Variants in TRAF3 observed in about 807,000 individuals in gnomAD.
TRAF3 encodes TNF receptor-associated factor 3.
Under a neutral mutation model 62.3 loss-of-function variants are expected in TRAF3, and 13 were observed. The ratio of observed to expected loss-of-function variants is 0.21; its 90% confidence interval spans 0.14 to 0.33. The LOEUF (loss-of-function observed/expected upper bound fraction) is 0.33. TRAF3 is among the 10% of genes least tolerant of loss of function. The probability of loss-of-function intolerance (pLI) is 1.00; values close to 1 mark genes in which losing one functional copy is unlikely to be tolerated. For missense variants in TRAF3, 440 were observed against 741.8 expected (o/e 0.59, Z 4.73); for synonymous variants, 269 against 283.4 (o/e 0.95, Z 0.51).
Position 102,777,691 on chromosome 14 carries a change from G to C in TRAF3, c.-157+16G>C, listed in dbSNP as rs1473502081. 1 of 144,950 alleles carries C rather than the reference G, an allele frequency of 6.9e-6. No homozygotes were observed. Among genetic ancestry groups the C allele is most frequent in the Non-Finnish European group, 1.5e-5 (1 of 65,288 alleles). The allele number at this position is 144,950 out of a possible 1,614,324, so 9.0% of individuals were successfully genotyped here. ...GGACCGCGAGGTAAGGGGCCGCGGCGGGCGGGCGGGCCTCCGGCGCGCGGC... is the reference window on the plus strand; with the variant it reads ...GGACCGCGAGGTAAGGGGCCGCGGCCGGCGGGCGGGCCTCCGGCGCGCGGC... On this transcript the variant is annotated intron_variant, in intron 1 of 11. Transcript: ENST00000392745.
intron 2 of TRAF3, among the ~76,000 whole-genome samples, chr14:102,835,378 C>G (rs1269049510): frequency 1.3e-5 from 2 of 152,026 alleles, no homozygotes; most frequent in Non-Finnish European, 2.9e-5. Flanking sequence ...ACCATTTGAC[C>G]CAGCAATCCC....
intron 1 of TRAF3, among the ~76,000 whole-genome samples, chr14:102,780,188 A>C (rs1173401054): frequency 6.6e-6 from 1 of 152,224 alleles, no homozygotes; most frequent in African/African-American, 2.4e-5. Context: ...AGCAGGAGTG[A>C]TGAAGCCAGA....
In TRAF3 at chr14:102,835,367, T is replaced by A. The variant is rs533989084; in HGVS notation, c.-18+4895T>A. On this transcript the variant is annotated intron_variant, in intron 2 of 11. Coordinates refer to ENST00000392745, the MANE Select transcript of TRAF3 (RefSeq NM_145725.3). Reference sequence around the variant, plus strand: ...GTGATTCCTCAGCTAAAAATAGAACTACCATTTGACCCAGCAATCCCATTA... The same window carrying A: ...GTGATTCCTCAGCTAAAAATAGAACAACCATTTGACCCAGCAATCCCATTA... 3.9e-5 allele frequency among the ~76,000 whole-genome samples: 6 copies of A among 152,104 alleles called. No homozygotes were observed. In the South Asian group the frequency reaches 1.2e-3, roughly 32 times the overall value.
chr14:102,886,340 C>A, intron 7 of TRAF3, 71 bp downstream of exon 7: 1 of 1,345,026 alleles, frequency 7.4e-7, no homozygotes, highest in Non-Finnish European at 1.0e-6. Context: ...CCCTTCCCTG[C>A]ATAGCCGAAG....
chr14:102,862,482 G>T (rs1887739875), intron 2 of TRAF3, among the ~76,000 whole-genome samples: 1 of 151,462 alleles, frequency 6.6e-6, no homozygotes, highest in African/African-American at 2.4e-5. Context: ...GGCCTCCATG[G>T]CTTTAGATGA....
chr14:102,811,901 C>G (rs1479036377), intron 1 of TRAF3, among the ~76,000 whole-genome samples: 1 of 134,876 alleles, frequency 7.4e-6, no homozygotes, highest in African/African-American at 2.7e-5. Flanking sequence ...GCTTGTGCCA[C>G]CATGCCTGGC....
rs1292113936 is a variant in TRAF3 at position 102,820,573 on chromosome 14, CATATATATATATATATATATATAT to C, written c.-156-9742_-156-9719del. Among the ~76,000 whole-genome samples the C allele has an allele frequency of 2.6e-3, 61 of 23,598 alleles. 2 individuals carry two copies. The highest frequency in any genetic ancestry group is 5.8e-3 in the Admixed American group (6 of 1,038). 15.5% of individuals were successfully genotyped at this position (23,598 alleles called of 152,430 possible). On this transcript the variant is annotated intron_variant, in intron 1 of 11. Transcript: ENST00000392745. ...TATTTGCTTTCTGAAATGGGACCAG[CATATATATATATATATATATATAT>C]ATATATATATATATATATTTTTTTT...
chr14:102,902,044 C>T (rs1012941579), intron 10 of TRAF3, among the ~76,000 whole-genome samples: 1 of 152,252 alleles, frequency 6.6e-6, no homozygotes, highest in East Asian at 1.9e-4. Flanking sequence ...ACTCCAGCCC[C>T]TTAACACAGA....
chr14:102,878,257 T>G (rs917486993), intron 6 of TRAF3, among the ~76,000 whole-genome samples: 1 of 152,098 alleles, frequency 6.6e-6, no homozygotes, highest in Non-Finnish European at 1.5e-5. Flanking sequence ...ATGCAGCTGT[T>G]TATCTTGGAG....
intron 7 of TRAF3, 25 bp downstream of exon 7, chr14:102,886,294 G>A (rs769446701): frequency 1.9e-6 from 3 of 1,589,034 alleles, no homozygotes; most frequent in East Asian, 4.5e-5. Context: ...GCCCGGCCGG[G>A]AGTCTGTGGA....
rs147305353 is a variant in TRAF3, at chr14:102,795,408, C to T, written c.-157+17733C>T. 6.7e-3 allele frequency among the ~76,000 whole-genome samples: 1,027 copies of T among 152,284 alleles called. 8 individuals carry two copies. The highest frequency in any genetic ancestry group is 0.012 in the Non-Finnish European group (820 of 68,036). On this transcript the variant is annotated intron_variant, in intron 1 of 11. Coordinates refer to ENST00000392745, the MANE Select transcript of TRAF3 (RefSeq NM_145725.3). ...CTTGCTTGTACCTCTATGGAGAACC[C>T]CAACAACCCTGGCTGGAAAGCCACC... is the stretch of plus-strand genomic sequence containing the variant.
At chr14:102,896,923 A>G (rs1890035890) in intron 9 of TRAF3, among the ~76,000 whole-genome samples, 1 of 152,182 alleles carries the variant, frequency 6.6e-6, no homozygotes, top group African/African-American at 2.4e-5. Flanking sequence ...TTTAAAGCCT[A>G]ACCAGACATG....
rs180688846 is a variant in TRAF3 at position 102,908,340 on chromosome 14, C to G, written c.*2556C>G. 1 of 152,854 alleles carries G rather than the reference C, an allele frequency of 6.5e-6. No individual in the cohort carries two copies. Among genetic ancestry groups the G allele is most frequent in the East Asian group, 1.9e-4 (1 of 5,198 alleles). 9.5% of individuals were successfully genotyped at this position (152,854 alleles called of 1,614,324 possible). A position where few individuals can be genotyped will look rare whatever the true frequency, so the allele number is the denominator to read the frequency against. On this transcript the variant is annotated 3_prime_UTR_variant, in exon 12 of 12. Coordinates refer to ENST00000392745, the MANE Select transcript of TRAF3 (RefSeq NM_145725.3). The stretch of plus-strand genomic sequence containing the variant: ...ATGGGGGTCCTTGAGGATGGGATGG[C>G]CTGTGTCACGCGCTTTGTCTTTGTG...
At chr14:102,798,104 G>A (rs1898200186) in intron 1 of TRAF3, among the ~76,000 whole-genome samples, 1 of 152,102 alleles carries the variant, frequency 6.6e-6, no homozygotes, top group Non-Finnish European at 1.5e-5. Context: ...CACCAGTTCA[G>A]CATGTATTAA....
intron 6 of TRAF3, among the ~76,000 whole-genome samples, chr14:102,880,188 A>G (rs1290157239): frequency 1.3e-5 from 2 of 152,156 alleles, no homozygotes; most frequent in Non-Finnish European, 2.9e-5. Flanking sequence ...GAGTCAAGTA[A>G]TTCCTCCAGG....
chr14:102,808,536 G>A (rs1714812321), intron 1 of TRAF3, among the ~76,000 whole-genome samples: 1 of 150,360 alleles, frequency 6.7e-6, no homozygotes, highest in South Asian at 2.1e-4. Context: ...AAGAAAAGAA[G>A]AACCATACTA....
chr14:102,891,358 A>G lies in TRAF3; in HGVS notation c.760A>G (p.Ser254Gly). ...CCAGCAGATCAAGGCCCACGAGGCC[A>G]GCTCCGCCGTGCAGCACGTCAACCT... Reference protein sequence around the residue: ...TNQQIKAHEASSAVQHVNLLK... With the variant: ...TNQQIKAHEAGSAVQHVNLLK... The change falls in exon 9 of 12, where the codon AGC becomes GGC. Residue 254 changes from serine to glycine, a missense_variant. This residue lies in a region of TRAF3 where 255 missense variants were observed against 424.1 expected (regional missense o/e 0.60). Coordinates refer to ENST00000392745, the MANE Select transcript of TRAF3 (RefSeq NM_145725.3). The G allele has an allele frequency of 6.2e-7, 1 of 1,613,624 alleles. No individual in the cohort carries two copies. The highest frequency in any genetic ancestry group is 8.5e-7 in the Non-Finnish European group (1 of 1,179,916).
At chr14:102,896,934 G>A (rs770455833) in intron 9 of TRAF3, among the ~76,000 whole-genome samples, 120 of 152,262 alleles carry the variant, frequency 7.9e-4, no homozygotes, top group Non-Finnish European at 9.0e-4. Flanking sequence ...ACCAGACATG[G>A]TGGTGGCATG....
At chr14:102,817,156 T>C (rs1899587052) in intron 1 of TRAF3, among the ~76,000 whole-genome samples, 1 of 152,032 alleles carries the variant, frequency 6.6e-6, no homozygotes, top group Non-Finnish European at 1.5e-5. Context: ...GAGTTGGTTA[T>C]TGGATATACA....
Sources: allele counts gnomAD v4.1 joint callset (sites outside exome capture counted in the v4.1 genomes callset), GRCh38; gene constraint gnomAD v4.1.1; regional missense constraint gnomAD v4.1.1; transcripts MANE v1.5; gene names NCBI Gene and HGNC (gene_info 2026-07-23, HGNC 2026-07-21).